NR3C2: variants seen among roughly 807,000 people sequenced by gnomAD.
NR3C2 encodes nuclear receptor subfamily 3 group C member 2.
NR3C2 carries 15 observed loss-of-function variants against 86.4 expected under a neutral mutation model. The ratio of observed to expected loss-of-function variants is 0.17; its 90% confidence interval spans 0.12 to 0.27. The LOEUF (loss-of-function observed/expected upper bound fraction) is 0.27. Among genes scored for constraint, NR3C2 ranks in the 10% least tolerant of loss-of-function variants. The pLI is 1.00. For synonymous variants in NR3C2, 458 were observed against 450.5 expected, an observed-to-expected ratio of 1.02 and a Z score of -0.21; for missense variants, 960 against 1,195.6, an observed-to-expected ratio of 0.80 and a Z score of 2.91.
chr4:148,231,463 GAA>G (rs1157920609), intron 3 of NR3C2, among the ~76,000 whole-genome samples: 1 of 151,978 alleles, frequency 6.6e-6, no homozygotes, highest in African/African-American at 2.4e-5. Flanking sequence ...CACTATTACT[GAA>G]GTCTATAAAC....
At chr4:148,185,697 T>C (rs1735859594) in intron 4 of NR3C2, among the ~76,000 whole-genome samples, 3 of 152,162 alleles carry the variant, frequency 2.0e-5, no homozygotes, top group Non-Finnish European at 2.9e-5. Context: ...AAATGTTCTA[T>C]ACAATATGCT....
chr4:148,194,036 G>A (rs989304447), intron 4 of NR3C2, among the ~76,000 whole-genome samples: 6 of 152,070 alleles, frequency 3.9e-5, no homozygotes, highest in Non-Finnish European at 5.9e-5. Flanking sequence ...CAAATACCAC[G>A]GACTATTTTA....
chr4:148,196,026 A>T (rs976513097), intron 3 of NR3C2, among the ~76,000 whole-genome samples: 1 of 152,178 alleles, frequency 6.6e-6, no homozygotes, highest in Non-Finnish European at 1.5e-5. Context: ...ACTGCAGTGG[A>T]CTAAGGACAG....
chr4:148,161,229 C>G lies in NR3C2; in HGVS notation c.2015-6328G>C, dbSNP rs114714669. On this transcript the variant is annotated intron_variant, in intron 4 of 8. Coordinates refer to ENST00000358102, the MANE Select transcript of NR3C2 (RefSeq NM_000901.5). The stretch of plus-strand genomic sequence containing the variant: ...CTTCAAATATTCTCAGATTAATCTA[C>G]ATAATTTAATAAGTTAACACACATT... 6.8e-3 allele frequency among the ~76,000 whole-genome samples: 1,030 copies of G among 152,246 alleles called. 9 individuals are homozygous for G. Among genetic ancestry groups the G allele is most frequent in the African/African-American group, 0.024 (992 of 41,516 alleles).
chr4:148,301,330 A>G (rs1742327113), intron 2 of NR3C2, among the ~76,000 whole-genome samples: 1 of 152,218 alleles, frequency 6.6e-6, no homozygotes, highest in African/African-American at 2.4e-5. Context: ...ATGGGTCTTT[A>G]ATCTTTGAGA....
At chr4:148,172,057 G>A (rs926627137) in intron 4 of NR3C2, among the ~76,000 whole-genome samples, 5 of 151,730 alleles carry the variant, frequency 3.3e-5, no homozygotes, top group South Asian at 2.1e-4. Flanking sequence ...TAACCTACTC[G>A]TGTCGGGTTT....
intron 2 of NR3C2, among the ~76,000 whole-genome samples, chr4:148,386,732 A>C (rs1367815715): frequency 6.6e-6 from 1 of 152,228 alleles, no homozygotes; most frequent in Admixed American, 6.5e-5. Context: ...GCTGTAATTC[A>C]AGAATTCCCT....
intron 2 of NR3C2, among the ~76,000 whole-genome samples, chr4:148,343,541 A>G (rs1180482731): frequency 6.6e-6 from 1 of 151,974 alleles, no homozygotes; most frequent in Admixed American, 6.6e-5. Context: ...TATTAGGTTC[A>G]TTCTTTTAAA....
In NR3C2 at chr4:148,388,957, C is replaced by T. The variant is rs577033365; in HGVS notation, c.1757+46147G>A. Among the ~76,000 whole-genome samples, 10 of 152,340 alleles carry T rather than the reference C, an allele frequency of 6.6e-5. No homozygotes were observed. The East Asian group carries it at 1.9e-3, about 29-fold the overall frequency. On this transcript the variant is annotated intron_variant, in intron 2 of 8. Coordinates refer to ENST00000358102, the MANE Select transcript of NR3C2 (RefSeq NM_000901.5). ...TTTGCCTTTGCAGGACACCCTACAG[C>T]CTGCTAGCTTACAGGAGAAAGCTTT...
intron 2 of NR3C2, among the ~76,000 whole-genome samples, chr4:148,377,221 C>T (rs549426063): frequency 6.6e-6 from 1 of 152,058 alleles, no homozygotes; most frequent in African/African-American, 2.4e-5. Flanking sequence ...TGATTTGGGG[C>T]AGGAAGAAGA....
At chr4:148,363,604 T>C (rs563557849) in intron 2 of NR3C2, among the ~76,000 whole-genome samples, 26 of 147,780 alleles carry the variant, frequency 1.8e-4, no homozygotes, top group African/African-American at 5.0e-4. Flanking sequence ...CCTGGGTTCA[T>C]GCCATACTCC....
At chr4:148,393,469 G>A (rs373988552) in intron 2 of NR3C2, among the ~76,000 whole-genome samples, 4 of 152,166 alleles carry the variant, frequency 2.6e-5, no homozygotes, top group African/African-American at 9.7e-5. Flanking sequence ...TGATTAATGA[G>A]GAGCTGTCAC....
At chr4:148,103,762 G>C (rs1189027219) in intron 8 of NR3C2, among the ~76,000 whole-genome samples, 1 of 152,092 alleles carries the variant, frequency 6.6e-6, no homozygotes, top group Non-Finnish European at 1.5e-5. Context: ...GACCGAAGAA[G>C]GAACACATAA....
chr4:148,427,213 C>T (rs1467806947), intron 2 of NR3C2, among the ~76,000 whole-genome samples: 1 of 151,994 alleles, frequency 6.6e-6, no homozygotes, highest in African/African-American at 2.4e-5. Context: ...CCTTGGCCAC[C>T]CAAAAGGCTG....
intron 8 of NR3C2, among the ~76,000 whole-genome samples, chr4:148,099,137 T>G (rs940066858): frequency 6.6e-5 from 10 of 152,316 alleles, no homozygotes; most frequent in South Asian, 2.1e-4. Flanking sequence ...TTAAACAGAT[T>G]ATATTATGCC....
At chr4:148,311,470 CA>C (rs1317143429) in intron 2 of NR3C2, among the ~76,000 whole-genome samples, 3 of 152,150 alleles carry the variant, frequency 2.0e-5, no homozygotes, top group Admixed American at 6.5e-5. Flanking sequence ...TCAGCAGATC[CA>C]ATCAACTACC....
At chr4:148,290,435 T>C (rs574603364) in intron 2 of NR3C2, among the ~76,000 whole-genome samples, 146 of 152,318 alleles carry the variant, frequency 9.6e-4, no homozygotes, top group Middle Eastern at 3.4e-3. Flanking sequence ...TGTTTTTGAA[T>C]TCTTGAACTA....
chr4:148,164,566 A>G (rs1734799406), intron 4 of NR3C2, among the ~76,000 whole-genome samples: 1 of 152,236 alleles, frequency 6.6e-6, no homozygotes, highest in Non-Finnish European at 1.5e-5. Flanking sequence ...TTTATAATAC[A>G]TTTAAAATAA....
intron 2 of NR3C2, among the ~76,000 whole-genome samples, chr4:148,420,947 T>C (rs961216562): frequency 1.3e-4 from 20 of 152,314 alleles, no homozygotes; most frequent in African/African-American, 2.4e-4. Flanking sequence ...ATGCTTCCTG[T>C]ACAGCCTGCA....
Sources: gnomAD v4.1 joint callset for allele counts (sites outside exome capture counted in the v4.1 genomes callset) on GRCh38, gnomAD v4.1.1 for gene constraint, MANE v1.5 for transcripts, NCBI Gene and HGNC (gene_info 2026-07-23, HGNC 2026-07-21) for gene names.